CNTN5: variants seen among roughly 807,000 people sequenced by gnomAD.
CNTN5 encodes contactin-5.
CNTN5 carries 77 observed loss-of-function variants against 129.1 expected under a neutral mutation model. The ratio of observed to expected loss-of-function variants is 0.60; its 90% CI spans 0.50 to 0.72. The LOEUF is 0.72. CNTN5 is among the 30% of genes least tolerant of loss of function. The probability of loss-of-function intolerance (pLI) is 0.00; values close to 1 mark genes in which losing one functional copy is unlikely to be tolerated. For synonymous variants in CNTN5, 509 were observed against 465.6 expected (o/e 1.09, Z -1.20); for missense variants, 1,478 against 1,328.8 (o/e 1.11, Z -1.75).
chr11:99,069,868 A>T (rs1865267231), intron 1 of CNTN5, among the ~76,000 whole-genome samples: 1 of 152,102 alleles, frequency 6.6e-6, no homozygotes, highest in African/African-American at 2.4e-5. Context: ...GCTACTGCTT[A>T]TTGCAGTGCA....
At chr11:99,719,104 A>G (rs1456669843) in intron 3 of CNTN5, among the ~76,000 whole-genome samples, 1 of 152,112 alleles carries the variant, frequency 6.6e-6, no homozygotes, top group African/African-American at 2.4e-5. Flanking sequence ...GGATCACTTG[A>G]GGCCAGGAGT....
At chr11:99,452,371 TG>T (rs1440757565) in intron 2 of CNTN5, among the ~76,000 whole-genome samples, 28 of 110,840 alleles carry the variant, frequency 2.5e-4, no homozygotes, top group South Asian at 7.2e-4. Flanking sequence ...TAAACACAGG[TG>T]TTTTTTTTTT....
In CNTN5 at chr11:99,921,015, G is replaced by C. The variant is rs966723009; in HGVS notation, c.673+4866G>C. Among the ~76,000 whole-genome samples, 9 of 152,070 alleles carry C rather than the reference G, an allele frequency of 5.9e-5. No homozygotes were observed. The East Asian group carries it at 1.5e-3, about 26-fold the overall frequency. On this transcript the variant is annotated intron_variant, in intron 7 of 24. Transcript: ENST00000524871. ...AGCTCTCTTTCTCTACTGAATGTGA[G>C]AAAACAAAGAAGGTGTCCATCTGCA...
At chr11:99,201,069 G>A (rs1859157075) in intron 1 of CNTN5, among the ~76,000 whole-genome samples, 1 of 119,140 alleles carries the variant, frequency 8.4e-6, no homozygotes, top group South Asian at 2.8e-4. Flanking sequence ...CTGTCGCCCA[G>A]GCTGGAGTGC....
At chr11:100,323,268 T>C (rs961566553) in intron 21 of CNTN5, among the ~76,000 whole-genome samples, 7 of 152,234 alleles carry the variant, frequency 4.6e-5, no homozygotes, top group Non-Finnish European at 1.0e-4. Flanking sequence ...TATACTCAGA[T>C]TGTGGCTCTT....
chr11:99,846,206 A>C (rs1050515497), intron 6 of CNTN5, among the ~76,000 whole-genome samples: 1 of 151,696 alleles, frequency 6.6e-6, no homozygotes, highest in Non-Finnish European at 1.5e-5. Context: ...GATTAAATGA[A>C]AATTAGCCAG....
At chr11:99,699,089 C>CTAT (rs1954403019) in intron 3 of CNTN5, among the ~76,000 whole-genome samples, 1 of 151,254 alleles carries the variant, frequency 6.6e-6, no homozygotes, top group African/African-American at 2.4e-5. Flanking sequence ...AGGAAGATAA[C>CTAT]GTTCAATTTT....
At chr11:99,978,448 C>T (rs963459196) in intron 8 of CNTN5, among the ~76,000 whole-genome samples, 3 of 152,204 alleles carry the variant, frequency 2.0e-5, no homozygotes, top group Non-Finnish European at 2.9e-5. Flanking sequence ...CACTCACTGG[C>T]TCACCCAGAG....
At chr11:99,874,167 A>C (rs1488800752) in intron 6 of CNTN5, among the ~76,000 whole-genome samples, 1 of 152,184 alleles carries the variant, frequency 6.6e-6, no homozygotes, top group Admixed American at 6.5e-5. Context: ...CAATACATCC[A>C]TGTGACAAAC....
At chr11:99,373,742 A>C (rs1305565783) in intron 2 of CNTN5, among the ~76,000 whole-genome samples, 2 of 150,028 alleles carry the variant, frequency 1.3e-5, no homozygotes, top group African/African-American at 4.9e-5. Flanking sequence ...AAATTAACTG[A>C]TATTTTTCAT....
At chr11:99,470,854 C>A (rs986162414) in intron 2 of CNTN5, among the ~76,000 whole-genome samples, 22 of 151,628 alleles carry the variant, frequency 1.5e-4, no homozygotes, top group African/African-American at 4.8e-4. Context: ...ATTAAGTTTG[C>A]AGTTGGATGC....
intron 13 of CNTN5, among the ~76,000 whole-genome samples, chr11:100,076,543 C>A (rs1944132699): frequency 6.6e-6 from 1 of 152,028 alleles, no homozygotes; most frequent in Non-Finnish European, 1.5e-5. Flanking sequence ...TGTTTCTCTT[C>A]CTTTCTTTAC....
At chr11:99,914,469 C>T (rs189290515) in intron 6 of CNTN5, among the ~76,000 whole-genome samples, 2 of 151,976 alleles carry the variant, frequency 1.3e-5, no homozygotes, top group Non-Finnish European at 1.5e-5. Flanking sequence ...TTATCTCATA[C>T]ATATGAAATT....
chr11:100,114,485 AT>A (rs1001366884), intron 13 of CNTN5, among the ~76,000 whole-genome samples: 39 of 152,258 alleles, frequency 2.6e-4, no homozygotes, highest in African/African-American at 8.9e-4. Flanking sequence ...ACATTAAAAT[AT>A]TTTTTGTTTT....
At chr11:99,778,032 T>C (rs544253988) in intron 3 of CNTN5, among the ~76,000 whole-genome samples, 1 of 152,010 alleles carries the variant, frequency 6.6e-6, no homozygotes, top group South Asian at 2.1e-4. Flanking sequence ...TTAGGTTATA[T>C]AACCATATAT....
chr11:99,841,602 A>C (rs966950670), intron 4 of CNTN5, among the ~76,000 whole-genome samples: 3 of 150,606 alleles, frequency 2.0e-5, no homozygotes, highest in African/African-American at 7.4e-5. Flanking sequence ...GAGGAAAAGA[A>C]GCAGCAGAAG....
chr11:99,689,381 G>T (rs1030039786), intron 3 of CNTN5, among the ~76,000 whole-genome samples: 8 of 151,904 alleles, frequency 5.3e-5, no homozygotes, highest in African/African-American at 1.7e-4. Context: ...CAAAAAATTA[G>T]CTGGGCGTGG....
intron 15 of CNTN5, among the ~76,000 whole-genome samples, chr11:100,210,347 CAAA>C (rs374618789): frequency 3.7e-4 from 30 of 80,876 alleles, no homozygotes; most frequent in Non-Finnish European, 6.0e-4. Context: ...GAGACTATCT[CAAA>C]AAAAAAAAAA....
chr11:99,899,215 A>C (rs1184750014), intron 6 of CNTN5, among the ~76,000 whole-genome samples: 1 of 151,926 alleles, frequency 6.6e-6, no homozygotes, highest in African/African-American at 2.4e-5. Context: ...GATGCCTTTT[A>C]TTTCTTTCTC....
Sources: allele counts gnomAD v4.1 joint callset (sites outside exome capture counted in the v4.1 genomes callset), GRCh38; gene constraint gnomAD v4.1.1; transcripts MANE v1.5; gene names NCBI Gene and HGNC (gene_info 2026-07-23, HGNC 2026-07-21).